TMEM9: variants seen among roughly 807,000 people sequenced by gnomAD.
TMEM9 encodes the protein transmembrane protein 9.
Under a neutral mutation model 22.8 loss-of-function variants are expected in TMEM9, and 13 were observed. The observed-to-expected ratio is 0.57, with a 90% CI of 0.37 to 0.91. The LOEUF is 0.91. Ranked by LOEUF, TMEM9 falls within the 40% of genes least tolerant of loss-of-function variation. TMEM9 has a pLI of 0.01. For synonymous variants in TMEM9, 88 were observed against 93.0 expected, an observed-to-expected ratio of 0.95 and a Z score of 0.31; for missense variants, 182 against 238.1, an observed-to-expected ratio of 0.76 and a Z score of 1.55.
chr1:201,163,530 C>T (rs1172885800), intron 1 of TMEM9, among the ~76,000 whole-genome samples: 1 of 152,058 alleles, frequency 6.6e-6, no homozygotes, highest in African/African-American at 2.4e-5. Context: ...GCAGAGGGTG[C>T]AGTGAGCCAA....
At position 201,134,826 on chromosome 1, in the gene TMEM9, G is replaced by C. The variant is rs1359395394; in HGVS notation, c.*837C>G. ...TTCCTTGATTTACACACAACTCTAAGACAAGAGGACAAAATTTTCTCTCCA... is the reference window on the plus strand; with the variant it reads ...TTCCTTGATTTACACACAACTCTAACACAAGAGGACAAAATTTTCTCTCCA... On this transcript the variant is annotated 3_prime_UTR_variant, in exon 5 of 5. Coordinates refer to ENST00000367330, the MANE Select transcript of TMEM9 (RefSeq NM_001288565.2). The C allele has an allele frequency of 6.5e-6, 1 of 152,770 alleles. No homozygotes were observed. The highest frequency in any genetic ancestry group is 1.5e-5 in the Non-Finnish European group (1 of 68,050). 9.5% of individuals were successfully genotyped at this position (152,770 alleles called of 1,614,324 possible). A position where few individuals can be genotyped will look rare whatever the true frequency, so the allele number is the denominator to read the frequency against.
intron 2 of TMEM9, among the ~76,000 whole-genome samples, chr1:201,147,493 A>G (rs1262621890): frequency 6.6e-6 from 1 of 152,058 alleles, no homozygotes; most frequent in Non-Finnish European, 1.5e-5. Context: ...AATTCCTAGA[A>G]TCCATCTCCT....
At chr1:201,144,281 T>G in intron 3 of TMEM9, 1 of 245,012 alleles carries the variant, frequency 4.1e-6, no homozygotes, top group Admixed American at 4.8e-5. Context: ...TCCCTGGCTG[T>G]AGAAGAGTTC....
chr1:201,146,745 T>C lies in TMEM9; in HGVS notation c.262A>G (p.Ile88Val). 1.9e-6 allele frequency: 3 copies of C among 1,614,132 alleles called. No homozygotes were observed. Among genetic ancestry groups the C allele is most frequent in the Non-Finnish European group, 2.5e-6 (3 of 1,179,956 alleles). ...CRYEERSTTT[I>V]KVIIVIYLSV... ...TCCTGAGACCCTGGCGTTACCTTGATGGTGGTGGTGCTGCGCTCCTCGTAC... is the reference window on the plus strand; with the variant it reads ...TCCTGAGACCCTGGCGTTACCTTGACGGTGGTGGTGCTGCGCTCCTCGTAC... Residue 88 changes from isoleucine to valine, a missense_variant, in exon 3 of 5, where the codon ATC becomes GTC. Ile to Val is a conservative substitution (Grantham distance 29). Transcript: ENST00000367330.
At chr1:201,145,917 G>A (rs764074918) in intron 3 of TMEM9, among the ~76,000 whole-genome samples, 5 of 152,184 alleles carry the variant, frequency 3.3e-5, no homozygotes, top group Non-Finnish European at 5.9e-5. Context: ...AGCTGTGATC[G>A]TGCCACTGGA....
In TMEM9 at chr1:201,143,811, C is replaced by G. The variant is rs1312745813; in HGVS notation, c.399+9G>C. 6.2e-7 allele frequency: 1 copy of G among 1,613,526 alleles called. No individual in the cohort carries two copies. The highest frequency in any genetic ancestry group is 1.3e-5 in the African/African-American group (1 of 74,916). On this transcript the variant is annotated intron_variant, in intron 4 of 4. Transcript: ENST00000367330. ...GGACCCAGGGCCTGGGCACTCAAAG[C>G]CCTCTTACCTCATTCTCCTCCTCAT...
chr1:201,151,639 C>A, intron 2 of TMEM9, 122 bp downstream of exon 2: 1 of 717,504 alleles, frequency 1.4e-6, no homozygotes, highest in Admixed American at 2.1e-5. Flanking sequence ...AATAATTACT[C>A]CTTTGAAAGG....
At chr1:201,138,566 C>G (rs1032523153) in intron 4 of TMEM9, among the ~76,000 whole-genome samples, 1 of 152,120 alleles carries the variant, frequency 6.6e-6, no homozygotes. Context: ...GGAGGGGAGG[C>G]GGGTGGAGCC....
At chr1:201,161,061 T>C (rs570682731) in intron 1 of TMEM9, among the ~76,000 whole-genome samples, 97 of 152,336 alleles carry the variant, frequency 6.4e-4, no homozygotes, top group African/African-American at 2.1e-3. Flanking sequence ...TAACAATAAA[T>C]TCATTGTATG....
chr1:201,146,699 C>G, intron 3 of TMEM9, 41 bp downstream of exon 3: 1 of 1,577,846 alleles, frequency 6.3e-7, no homozygotes, highest in Non-Finnish European at 8.7e-7. Flanking sequence ...TGGAGAATGG[C>G]GTGTGGGAAT....
At chr1:201,153,678 G>T in intron 1 of TMEM9, 180 bp downstream of exon 1, 1 of 1,438,114 alleles carries the variant, frequency 7.0e-7, no homozygotes, top group Non-Finnish European at 9.5e-7. Context: ...CTCCTCACCC[G>T]CACTATCCTT....
chr1:201,154,214 G>C lies in TMEM9; in HGVS notation c.-291C>G, dbSNP rs892799627. 5.5e-6 allele frequency: 2 copies of C among 361,142 alleles called. No homozygotes were observed. Among genetic ancestry groups the C allele is most frequent in the Non-Finnish European group, 1.0e-5 (2 of 196,698 alleles). 22.4% of individuals were successfully genotyped at this position (361,142 alleles called of 1,614,324 possible). On this transcript the variant is annotated 5_prime_UTR_variant, in exon 1 of 5. Coordinates refer to ENST00000367330, the MANE Select transcript of TMEM9 (RefSeq NM_001288565.2). ...CCAGGGGCCTCCAGTTCCTTCTCAA[G>C]GCCCGGCTCTGACCCGCGCATCACG...
upstream of TMEM9, among the ~76,000 whole-genome samples, chr1:201,156,726 C>T (rs1282817352): frequency 1.3e-5 from 2 of 152,208 alleles, no homozygotes; most frequent in Non-Finnish European, 2.9e-5. Flanking sequence ...TCCATGTGCC[C>T]TGTGTTTATG....
intron 1 of TMEM9, among the ~76,000 whole-genome samples, chr1:201,168,151 T>C (rs1399063466): frequency 6.6e-6 from 1 of 152,266 alleles, no homozygotes; most frequent in Non-Finnish European, 1.5e-5. Context: ...CACGATTCAC[T>C]TATCCATTCT....
At position 201,153,885 on chromosome 1, in the gene TMEM9, C is replaced by A; in HGVS notation, c.39G>T (p.Leu13Phe). Reference protein sequence around the residue: ...LLSLVAVVGCLLVPPAEANKS... With the variant: ...LLSLVAVVGCFLVPPAEANKS... The stretch of plus-strand genomic sequence containing the variant: ...TGTTGGCTTCAGCTGGGGGCACCAG[C>A]AAACACCCGACCACAGCCACCAAAG... The change falls in exon 1 of 5, where the codon TTG (leucine) becomes TTT (phenylalanine). Residue 13 changes from leucine to phenylalanine, a missense_variant. Leu to Phe is a conservative substitution (Grantham distance 22, BLOSUM62 0). Transcript: ENST00000367330. The A allele has an allele frequency of 1.2e-6, 2 of 1,614,092 alleles. No individual in the cohort carries two copies. The highest frequency in any genetic ancestry group is 1.7e-6 in the Non-Finnish European group (2 of 1,179,974).
intron 2 of TMEM9, among the ~76,000 whole-genome samples, chr1:201,149,099 G>A (rs1023782934): frequency 6.6e-6 from 1 of 152,228 alleles, no homozygotes; most frequent in Admixed American, 6.5e-5. Flanking sequence ...GGGCAGTTTG[G>A]AAGGGCGACC....
At position 201,143,968 on chromosome 1, in the gene TMEM9, C is replaced by A. The variant is rs779017423; in HGVS notation, c.268-17G>T. ...AATGATGACCTGAGGAAGAGACCGG[C>A]GTGCCTATGAACCATTATCTGAGGC... is the stretch of plus-strand genomic sequence containing the variant. On this transcript the variant is annotated splice_polypyrimidine_tract_variant and intron_variant, in intron 3 of 4. Transcript: ENST00000367330. 1.2e-6 allele frequency: 2 copies of A among 1,613,636 alleles called. No individual in the cohort carries two copies. Among genetic ancestry groups the A allele is most frequent in the East Asian group, 2.2e-5 (1 of 44,864 alleles).
chr1:201,167,948 ATTCTGAGTTTT>A (rs556300097), intron 1 of TMEM9, among the ~76,000 whole-genome samples: 59 of 152,288 alleles, frequency 3.9e-4, no homozygotes, highest in African/African-American at 1.3e-3. Context: ...GGTAACTAGT[ATTCTGAGTTTT>A]TTCAACATAG....
chr1:201,148,096 T>C (rs1479394653), intron 2 of TMEM9, among the ~76,000 whole-genome samples: 3 of 152,204 alleles, frequency 2.0e-5, no homozygotes, highest in African/African-American at 7.2e-5. Context: ...AACTACATGA[T>C]TCCCAAAGGA....
Sources: gnomAD v4.1 joint callset for allele counts (sites outside exome capture counted in the v4.1 genomes callset) on GRCh38, gnomAD v4.1.1 for gene constraint, MANE v1.5 for transcripts, NCBI Gene and HGNC (gene_info 2026-07-23, HGNC 2026-07-21) for gene names.